Variants in DHX57 observed in about 807,000 individuals in gnomAD.
The protein encoded by DHX57 is putative ATP-dependent RNA helicase DHX57.
In DHX57, 105 loss-of-function variants were observed where a neutral mutation model predicts 156.2. The observed-to-expected ratio is 0.67, with a 90% CI of 0.57 to 0.79. The LOEUF is 0.79. Among genes scored for constraint, DHX57 ranks in the 30% least tolerant of loss-of-function variants. The probability of loss-of-function intolerance (pLI) is 0.00; values close to 1 mark genes in which losing one functional copy is unlikely to be tolerated. For missense variants in DHX57, 1,847 were observed against 1,661.9 expected, an observed-to-expected ratio of 1.11 and a Z score of -1.94; for synonymous variants, 704 against 595.6, an observed-to-expected ratio of 1.18 and a Z score of -2.65.
intron 1 of DHX57, among the ~76,000 whole-genome samples, chr2:38,870,878 C>CA (rs1444997125): frequency 6.9e-6 from 1 of 144,956 alleles, no homozygotes; most frequent in South Asian, 2.2e-4. Flanking sequence ...GACTCCATCT[C>CA]AAAAAAACAA....
At chr2:38,824,990 T>C (rs1289294212) in intron 16 of DHX57, among the ~76,000 whole-genome samples, 1 of 152,202 alleles carries the variant, frequency 6.6e-6, no homozygotes, top group South Asian at 2.1e-4. Context: ...CTGCATTGTG[T>C]CCTGCCTTGT....
At chr2:38,828,000 G>C (rs1302350806) in intron 14 of DHX57, among the ~76,000 whole-genome samples, 2 of 152,014 alleles carry the variant, frequency 1.3e-5, no homozygotes, top group East Asian at 3.9e-4. Flanking sequence ...GGGTTTATAG[G>C]TGCCGGCCAC....
At position 38,823,094 on chromosome 2, in the gene DHX57, C is replaced by A; in HGVS notation, c.3190G>T (p.Val1064Leu). The change falls in exon 17 of 24, where the codon GTG (valine) becomes TTG (leucine). Residue 1064 changes from valine (V) to leucine (L), a missense_variant. Val to Leu is a conservative substitution (Grantham distance 32). Transcript: ENST00000457308. ...PLGYHLASLP[V>L]DVRIGKLMLF... Reference sequence around the variant, plus strand: ...ATTAGTTTGCCAATTCTCACATCCACGGGCAGAGAGGCCAAATGATACCCA... The same window carrying A: ...ATTAGTTTGCCAATTCTCACATCCAAGGGCAGAGAGGCCAAATGATACCCA... 6.2e-7 allele frequency: 1 copy of A among 1,614,152 alleles called. No homozygotes were observed. Among genetic ancestry groups the A allele is most frequent in the Non-Finnish European group, 8.5e-7 (1 of 1,180,022 alleles).
chr2:38,866,217 C>T (rs1161925295), intron 2 of DHX57, among the ~76,000 whole-genome samples: 1 of 152,218 alleles, frequency 6.6e-6, no homozygotes, highest in African/African-American at 2.4e-5. Flanking sequence ...CATGTAAAAG[C>T]CAAAGTCCTA....
chr2:38,842,994 A>T lies in DHX57; in HGVS notation c.2425+11T>A, dbSNP rs373906818. On this transcript the variant is annotated intron_variant, in intron 12 of 23. Coordinates refer to ENST00000457308, the MANE Select transcript of DHX57 (RefSeq NM_198963.3). The stretch of plus-strand genomic sequence containing the variant: ...GGCATAATTATAATATTCCCCCAAG[A>T]GGCATGTTACCTTTATAGCGGGCCA... 6.9e-5 allele frequency: 111 copies of T among 1,611,770 alleles called. No individual in the cohort carries two copies. Among genetic ancestry groups the T allele is most frequent in the Non-Finnish European group, 8.9e-5 (105 of 1,177,966 alleles).
rs112419561 is a variant in DHX57, at chr2:38,811,592, G to A, written c.3681+2229C>T. 265 of 1,364,816 alleles carry A rather than the reference G, an allele frequency of 1.9e-4. 2 individuals carry two copies. In the African/African-American group the frequency reaches 3.1e-3, roughly 16 times the overall value. The allele number at this position is 1,364,816 out of a possible 1,614,324, so 84.5% of individuals were successfully genotyped here. The stretch of plus-strand genomic sequence containing the variant: ...CATAGCCTTGTTCCTTCAGCCACAC[G>A]AGGATGCAGGAGGTGTCCAGGCCGG... On this transcript the variant is annotated intron_variant, in intron 21 of 23. Coordinates refer to ENST00000457308, the MANE Select transcript of DHX57 (RefSeq NM_198963.3).
intron 19 of DHX57, among the ~76,000 whole-genome samples, chr2:38,818,494 T>C (rs1238150069): frequency 1.3e-5 from 2 of 152,082 alleles, no homozygotes; most frequent in Non-Finnish European, 2.9e-5. Context: ...CACCACTGCA[T>C]TCCAGCCTGG....
chr2:38,852,238 G>A (rs186425890), intron 9 of DHX57, among the ~76,000 whole-genome samples: 9 of 148,124 alleles, frequency 6.1e-5, no homozygotes, highest in African/African-American at 2.0e-4. Context: ...GTACAGTGGC[G>A]CAATCTCGGC....
intron 3 of DHX57, 193 bp from the exon 4 acceptor site, chr2:38,862,526 G>A (rs2124934112): frequency 4.2e-6 from 2 of 471,498 alleles, no homozygotes; most frequent in East Asian, 3.5e-5. Context: ...ACCAGTTACT[G>A]TGTTAAGTGC....
intron 9 of DHX57, chr2:38,853,133 G>A (rs1048305633): frequency 6.5e-6 from 1 of 153,070 alleles, no homozygotes; most frequent in Non-Finnish European, 1.4e-5. Context: ...ACAGCTCACT[G>A]CAGCCTCAAC....
chr2:38,837,158 A>G (rs1671720070), intron 13 of DHX57, among the ~76,000 whole-genome samples: 1 of 152,156 alleles, frequency 6.6e-6, no homozygotes, highest in Non-Finnish European at 1.5e-5. Flanking sequence ...ATGTATTATT[A>G]TAATTATAAT....
chr2:38,856,507 T>TC, intron 6 of DHX57, 46 bp from the exon 7 acceptor site: 5 of 1,183,128 alleles, frequency 4.2e-6, no homozygotes, highest in Admixed American at 2.6e-5. Context: ...CTTTTTCTTT[T>TC]TTTTTTTTTT....
chr2:38,875,095 C>T (rs940042914), intron 1 of DHX57, among the ~76,000 whole-genome samples: 4 of 152,204 alleles, frequency 2.6e-5, no homozygotes, highest in Non-Finnish European at 4.4e-5. Context: ...GAGATATGCG[C>T]TTAACATTTT....
intron 15 of DHX57, 150 bp downstream of exon 15, chr2:38,826,366 C>T: frequency 1.1e-6 from 1 of 898,808 alleles, no homozygotes; most frequent in Non-Finnish European, 1.7e-6. Flanking sequence ...GTCCTGGCTA[C>T]ACAATCATTC....
chr2:38,853,058 T>C (rs943828158), intron 9 of DHX57: 114 of 176,412 alleles, frequency 6.5e-4, no homozygotes, highest in African/African-American at 2.6e-3. Context: ...TCTTTTCTTT[T>C]CTTTTCTTTT....
chr2:38,800,032 A>C (rs1669598311), intron 23 of DHX57, among the ~76,000 whole-genome samples: 1 of 152,026 alleles, frequency 6.6e-6, no homozygotes, highest in African/African-American at 2.4e-5. Context: ...TACTAAAAAT[A>C]CAAAATTAGC....
At chr2:38,864,039 A>G (rs2124938162) in intron 2 of DHX57, among the ~76,000 whole-genome samples, 1 of 151,982 alleles carries the variant, frequency 6.6e-6, no homozygotes, top group Non-Finnish European at 1.5e-5. Context: ...AAAACTTAAC[A>G]GATTCTTAAT....
At chr2:38,867,710 C>T (rs564103458) in intron 2 of DHX57, among the ~76,000 whole-genome samples, 1 of 152,178 alleles carries the variant, frequency 6.6e-6, no homozygotes, top group African/African-American at 2.4e-5. Context: ...AGGTGACTGC[C>T]ACCATGCCTG....
intron 13 of DHX57, among the ~76,000 whole-genome samples, chr2:38,832,269 G>A (rs1671419580): frequency 6.6e-6 from 1 of 151,566 alleles, no homozygotes; most frequent in African/African-American, 2.4e-5. Flanking sequence ...GTGAAACCCC[G>A]TCTCTACTAA....
Sources: gnomAD v4.1 joint callset for allele counts (sites outside exome capture counted in the v4.1 genomes callset) on GRCh38, gnomAD v4.1.1 for gene constraint, MANE v1.5 for transcripts, NCBI Gene and HGNC (gene_info 2026-07-23, HGNC 2026-07-21) for gene names.